The following ZBTB16 variants were observed in gnomAD, a reference collection of about 807,000 sequenced individuals.
The protein encoded by ZBTB16 is zinc finger and BTB domain containing 16.
ZBTB16 carries 8 observed loss-of-function variants against 56.8 expected under a neutral mutation model. That is an observed-to-expected ratio of 0.14 (90% CI 0.08 to 0.25). The LOEUF is 0.25. Among genes scored for constraint, ZBTB16 ranks in the 10% least tolerant of loss-of-function variants. The probability of loss-of-function intolerance (pLI) is 1.00; values close to 1 mark genes in which losing one functional copy is unlikely to be tolerated. For missense variants in ZBTB16, 625 were observed against 903.0 expected (o/e 0.69, Z 3.95); for synonymous variants, 363 against 368.5 (o/e 0.98, Z 0.17).
intron 4 of ZBTB16, among the ~76,000 whole-genome samples, chr11:114,201,090 T>G (rs1943727064): frequency 6.6e-6 from 1 of 152,212 alleles, no homozygotes; most frequent in Admixed American, 6.5e-5. Context: ...CATTGATGTT[T>G]ACTGTCAGCG....
chr11:114,127,668 G>T (rs1941546499), intron 2 of ZBTB16, among the ~76,000 whole-genome samples: 1 of 152,196 alleles, frequency 6.6e-6, no homozygotes, highest in African/African-American at 2.4e-5. Context: ...GGATCAGAAA[G>T]GGGACCTCAG....
chr11:114,164,320 C>T (rs748873135), intron 3 of ZBTB16, among the ~76,000 whole-genome samples: 9 of 152,218 alleles, frequency 5.9e-5, no homozygotes, highest in Non-Finnish European at 1.3e-4. Flanking sequence ...TTCTTCCACA[C>T]AAACCCTGTC....
In ZBTB16 at chr11:114,063,893, C is replaced by A. The variant is rs868647600; in HGVS notation, c.593C>A (p.Pro198His). 1 of 1,614,042 alleles carries A rather than the reference C, an allele frequency of 6.2e-7. No individual in the cohort carries two copies. The highest frequency in any genetic ancestry group is 2.2e-5 in the East Asian group (1 of 44,880). The change falls in exon 2 of 7, where the codon CCC becomes CAC. Residue 198 changes from proline to histidine, a missense_variant. Transcript: ENST00000335953. This position sits in a 1 kb window ranked among gnomAD's most constrained non-coding sequence, Gnocchi z 6.5. ...STSFGLSAMS[P>H]TKAAVDSLMT... Reference sequence around the variant, plus strand: ...TCATTTGGTCTTTCAGCCATGAGTCCCACCAAGGCTGCAGTGGACAGTTTG... The same window carrying A: ...TCATTTGGTCTTTCAGCCATGAGTCACACCAAGGCTGCAGTGGACAGTTTG...
intron 4 of ZBTB16, among the ~76,000 whole-genome samples, chr11:114,199,325 A>G (rs867512754): frequency 6.7e-6 from 1 of 149,832 alleles, no homozygotes; most frequent in African/African-American, 2.5e-5. Context: ...CGGGATGGGG[A>G]TGCCGGACAT....
At chr11:114,139,635 G>A (rs1159785187) in intron 2 of ZBTB16, among the ~76,000 whole-genome samples, 2 of 150,980 alleles carry the variant, frequency 1.3e-5, no homozygotes, top group Non-Finnish European at 3.0e-5. Context: ...ACGTGTGTGT[G>A]TGTGTGTGTG....
At chr11:114,156,230 C>G (rs932310413) in intron 2 of ZBTB16, 107 bp from the exon 3 acceptor site, 1 of 1,088,458 alleles carries the variant, frequency 9.2e-7, no homozygotes. Context: ...TGTTCCCTTC[C>G]GCCTGTCACC....
chr11:114,076,374 G>A (rs1460657268), intron 2 of ZBTB16, among the ~76,000 whole-genome samples: 2 of 152,186 alleles, frequency 1.3e-5, no homozygotes, highest in African/African-American at 4.8e-5. Context: ...TTCTGGGCAC[G>A]CACGCTCACG....
At chr11:114,201,269 A>G (rs1273181163) in intron 4 of ZBTB16, among the ~76,000 whole-genome samples, 1 of 152,020 alleles carries the variant, frequency 6.6e-6, no homozygotes, top group Non-Finnish European at 1.5e-5. Flanking sequence ...AGGAGGAGGA[A>G]GAGACAACCT....
chr11:114,080,903 C>T (rs1413211303), intron 2 of ZBTB16, among the ~76,000 whole-genome samples: 2 of 152,200 alleles, frequency 1.3e-5, no homozygotes, highest in Non-Finnish European at 2.9e-5. Flanking sequence ...GCACTCTCCA[C>T]CTGCTTTGCA....
chr11:114,200,553 G>T (rs1943715891), intron 4 of ZBTB16, among the ~76,000 whole-genome samples: 1 of 152,150 alleles, frequency 6.6e-6, no homozygotes, highest in African/African-American at 2.4e-5. Flanking sequence ...GCCCAGAGAG[G>T]CTTAAATAAT....
chr11:114,094,204 A>C (rs1940295974), intron 2 of ZBTB16, among the ~76,000 whole-genome samples: 1 of 143,542 alleles, frequency 7.0e-6, no homozygotes, highest in African/African-American at 2.4e-5. Flanking sequence ...AGTCCCAGCT[A>C]CTCGAGAGGC....
intron 2 of ZBTB16, among the ~76,000 whole-genome samples, chr11:114,080,681 GTTAT>G (rs1939727233): frequency 6.6e-6 from 1 of 152,224 alleles, no homozygotes; most frequent in Non-Finnish European, 1.5e-5. Flanking sequence ...CTAGAGGGAA[GTTAT>G]TTATTGAAAA....
chr11:114,198,665 C>T (rs867858786), intron 4 of ZBTB16, among the ~76,000 whole-genome samples: 51 of 152,318 alleles, frequency 3.3e-4, no homozygotes, highest in African/African-American at 1.1e-3. Flanking sequence ...CGTCCTCACA[C>T]GCAAGTGCAC....
intron 4 of ZBTB16, among the ~76,000 whole-genome samples, chr11:114,199,202 C>T (rs532427118): frequency 6.7e-6 from 1 of 149,596 alleles, no homozygotes; most frequent in South Asian, 2.1e-4. Context: ...GATGCCGGGC[C>T]CCGGGACGGG....
rs58946694 is a variant in ZBTB16, at chr11:114,167,232, G to GTTTTTTT, written c.1366+10813_1366+10819dup. Among the ~76,000 whole-genome samples, 196 of 88,708 alleles carry GTTTTTTT rather than the reference G, an allele frequency of 2.2e-3. 10 individuals carry two copies. Among genetic ancestry groups the GTTTTTTT allele is most frequent in the Non-Finnish European group, 2.6e-3 (140 of 53,226 alleles). The allele number at this position is 88,708 out of a possible 152,430, so 58.2% of individuals were successfully genotyped here. A position where few individuals can be genotyped will look rare whatever the true frequency, so the allele number is the denominator to read the frequency against. On this transcript the variant is annotated intron_variant, in intron 3 of 6. Transcript: ENST00000335953. The stretch of plus-strand genomic sequence containing the variant: ...GGATTTGTGGTTTTTTTTTTTTTTG[G>GTTTTTTT]TTTTTTTTTTTTTTTTTTTTTGACA...
chr11:114,109,112 G>A (rs1401799560), intron 2 of ZBTB16, among the ~76,000 whole-genome samples: 1 of 152,206 alleles, frequency 6.6e-6, no homozygotes, highest in Non-Finnish European at 1.5e-5. Flanking sequence ...CAGTCAGGTG[G>A]AAGAAGGAGA....
chr11:114,089,075 G>A (rs943484063), intron 2 of ZBTB16, among the ~76,000 whole-genome samples: 8 of 152,340 alleles, frequency 5.3e-5, no homozygotes, highest in East Asian at 3.9e-4. Flanking sequence ...CAGTACCCAC[G>A]TGATTGGGCC....
rs1006989537 is a variant in ZBTB16, at chr11:114,254,223, A to C, written c.*3668A>C. On this transcript the variant is annotated 3_prime_UTR_variant, in exon 7 of 7. Transcript: ENST00000335953. ...GCAAGAGATTGATATAAAATAGTAAATATCATTGCTGCTTTGGGCTGCTTT... is the reference window on the plus strand; with the variant it reads ...GCAAGAGATTGATATAAAATAGTAACTATCATTGCTGCTTTGGGCTGCTTT... Among the ~76,000 whole-genome samples, 16 of 152,036 alleles carry C rather than the reference A, an allele frequency of 1.1e-4. No homozygotes were observed. The highest frequency in any genetic ancestry group is 1.8e-4 in the Non-Finnish European group (12 of 68,008).
chr11:114,068,060 C>CAGA (rs1939188760), intron 2 of ZBTB16, among the ~76,000 whole-genome samples: 1 of 111,348 alleles, frequency 9.0e-6, no homozygotes, highest in Non-Finnish European at 1.7e-5. Flanking sequence ...AAAGCCAAGA[C>CAGA]AAAAAAAAAA....
Sources: gnomAD v4.1 joint callset for allele counts (sites outside exome capture counted in the v4.1 genomes callset) on GRCh38, gnomAD v4.1.1 for gene constraint, Gnocchi (gnomAD v3.1) non-coding constraint, MANE v1.5 for transcripts, NCBI Gene and HGNC (gene_info 2026-07-23, HGNC 2026-07-21) for gene names.